The following CNTLN variants were observed in gnomAD, a reference collection of about 807,000 sequenced individuals.
The protein encoded by CNTLN is centlein, centrosomal protein.
In CNTLN, 212 loss-of-function variants were observed where a neutral mutation model predicts 180.0. The observed-to-expected ratio is 1.18, with a 90% CI of 1.05 to 1.32. The LOEUF (loss-of-function observed/expected upper bound fraction) is 1.32, where lower values mean the gene tolerates loss of function less well. CNTLN is among the 40% of genes most tolerant of loss of function. The pLI, the probability that CNTLN is intolerant of heterozygous loss-of-function variation, is 0.00. For missense variants in CNTLN, 2,095 were observed against 1,610.9 expected (o/e 1.30, Z -5.14); for synonymous variants, 722 against 563.1 (o/e 1.28, Z -3.99).
chr9:17,364,810 C>A (rs188147679), intron 12 of CNTLN, among the ~76,000 whole-genome samples: 31 of 152,160 alleles, frequency 2.0e-4, no homozygotes, highest in Admixed American at 4.6e-4. Context: ...GGCCATATGT[C>A]CAGTTTTTGT....
intron 23 of CNTLN, among the ~76,000 whole-genome samples, chr9:17,470,585 A>G (rs2441993): frequency 0.049 from 7,501 of 151,960 alleles, 209 homozygotes; most frequent in Middle Eastern, 0.11. Flanking sequence ...GAAATCAAGT[A>G]CTTTGAGCAT....
At chr9:17,274,694 A>G (rs185196387) in intron 6 of CNTLN, among the ~76,000 whole-genome samples, 1 of 152,286 alleles carries the variant, frequency 6.6e-6, no homozygotes, top group Non-Finnish European at 1.5e-5. Flanking sequence ...TGATAAATAA[A>G]TGATGGATAC....
At chr9:17,306,726 C>G (rs1371679185) in intron 7 of CNTLN, among the ~76,000 whole-genome samples, 4 of 152,114 alleles carry the variant, frequency 2.6e-5, no homozygotes, top group Non-Finnish European at 5.9e-5. Flanking sequence ...CCATGAGATT[C>G]TCAAATATTT....
At chr9:17,483,338 T>C (rs1320166372) in intron 23 of CNTLN, among the ~76,000 whole-genome samples, 1 of 147,538 alleles carries the variant, frequency 6.8e-6, no homozygotes, top group Non-Finnish European at 1.5e-5. Flanking sequence ...AGATACTTTT[T>C]ATACATTCTT....
At chr9:17,144,480 C>T (rs1214790106) in intron 2 of CNTLN, among the ~76,000 whole-genome samples, 1 of 152,038 alleles carries the variant, frequency 6.6e-6, no homozygotes, top group Non-Finnish European at 1.5e-5. Context: ...TTCCGTGATT[C>T]TTTATTCTCC....
chr9:17,230,551 G>A (rs1020757385), intron 3 of CNTLN, among the ~76,000 whole-genome samples: 1 of 151,816 alleles, frequency 6.6e-6, no homozygotes, highest in Admixed American at 6.6e-5. Flanking sequence ...AGGCTAGAAG[G>A]TGCTAGAGTT....
rs890178291 is a variant in CNTLN at position 17,299,013 on chromosome 9, G to C, written c.1146+661G>C. On this transcript the variant is annotated intron_variant, in intron 7 of 25. Transcript: ENST00000380647. ...AATCCCAGCACTTTGGGAGGCTGAG[G>C]CGGGCGAATCACAAGGTCAAGAGAT... 13 of 812,918 alleles carry C rather than the reference G, an allele frequency of 1.6e-5. No homozygotes were observed. In the African/African-American group the frequency reaches 2.2e-4, roughly 14 times the overall value. 50.4% of individuals were successfully genotyped at this position (812,918 alleles called of 1,614,324 possible).
At position 17,200,876 on chromosome 9, in the gene CNTLN, G is replaced by A. The variant is rs116364651; in HGVS notation, c.450-25327G>A. Among the ~76,000 whole-genome samples, 1,031 of 152,290 alleles carry A rather than the reference G, an allele frequency of 6.8e-3. 10 individuals are homozygous for A. The highest frequency in any genetic ancestry group is 0.023 in the African/African-American group (976 of 41,548). The stretch of plus-strand genomic sequence containing the variant: ...AGATCTTCCAATACTATGATAAATT[G>A]GAGTGGTGAGAGAAGGCATCCTTGT... On this transcript the variant is annotated intron_variant, in intron 2 of 25. Transcript: ENST00000380647.
chr9:17,463,707 G>A (rs902244678), intron 20 of CNTLN, among the ~76,000 whole-genome samples: 1 of 151,548 alleles, frequency 6.6e-6, no homozygotes, highest in African/African-American at 2.4e-5. Context: ...ATATTTTGAA[G>A]TTTATTTATC....
intron 6 of CNTLN, among the ~76,000 whole-genome samples, chr9:17,277,311 TGAG>T (rs1828374786): frequency 6.6e-6 from 1 of 152,044 alleles, no homozygotes; most frequent in African/African-American, 2.4e-5. Flanking sequence ...ACAATTGAGA[TGAG>T]AATTTTTGTT....
At chr9:17,336,927 G>A (rs1341151042) in intron 10 of CNTLN, among the ~76,000 whole-genome samples, 4 of 152,040 alleles carry the variant, frequency 2.6e-5, no homozygotes, top group East Asian at 1.9e-4. Context: ...TTACCCTCCC[G>A]CCAACAGTGT....
At chr9:17,526,890 T>A in the CNTLN span, among the ~76,000 whole-genome samples, 1 of 152,038 alleles carries the variant, frequency 6.6e-6, no homozygotes, top group Non-Finnish European at 1.5e-5. Context: ...TCACCCAGGC[T>A]GGATTTTGAG....
chr9:17,158,279 T>C (rs1252330873), intron 2 of CNTLN, among the ~76,000 whole-genome samples: 1 of 152,182 alleles, frequency 6.6e-6, no homozygotes, highest in Non-Finnish European at 1.5e-5. Flanking sequence ...TTTTATATGT[T>C]CCCGAATTTG....
chr9:17,525,200 T>A, the CNTLN span, among the ~76,000 whole-genome samples: 1 of 152,188 alleles, frequency 6.6e-6, no homozygotes, highest in Non-Finnish European at 1.5e-5. Flanking sequence ...CCATCCTGAT[T>A]AATATGCGTG....
chr9:17,188,685 T>C (rs967987363), intron 2 of CNTLN, among the ~76,000 whole-genome samples: 57 of 152,298 alleles, frequency 3.7e-4, no homozygotes, highest in Admixed American at 9.8e-4. Flanking sequence ...AATCTGCTGT[T>C]CATCCCTTCT....
rs535573165 is a variant in CNTLN, at chr9:17,249,722, C to T, written c.849+13134C>T. 1.2e-4 allele frequency among the ~76,000 whole-genome samples: 18 copies of T among 151,728 alleles called. No homozygotes were observed. In the Middle Eastern group the frequency reaches 0.024, roughly 201 times the overall value. ...TCTGCTGTGGATTTCTAGCTTCATT[C>T]CATTTTATTTAGAGAAGATCCTTTG... On this transcript the variant is annotated intron_variant, in intron 5 of 25. Coordinates refer to ENST00000380647, the MANE Select transcript of CNTLN (RefSeq NM_017738.4).
At chr9:17,405,448 C>G (rs1393981058) in intron 15 of CNTLN, among the ~76,000 whole-genome samples, 1 of 151,786 alleles carries the variant, frequency 6.6e-6, no homozygotes, top group Non-Finnish European at 1.5e-5. Flanking sequence ...GCTGTGTCAT[C>G]ATGGCCGAAG....
chr9:17,324,294 A>G (rs1479163208), intron 8 of CNTLN, among the ~76,000 whole-genome samples: 1 of 152,188 alleles, frequency 6.6e-6, no homozygotes, highest in African/African-American at 2.4e-5. Context: ...ACTAACAGAA[A>G]CATTTTAAAT....
chr9:17,216,040 G>A (rs1004276193), intron 2 of CNTLN, among the ~76,000 whole-genome samples: 2 of 152,026 alleles, frequency 1.3e-5, no homozygotes, highest in Admixed American at 6.6e-5. Flanking sequence ...CTCACATTCG[G>A]TGGGCTGCAC....
Sources: gnomAD v4.1 joint callset for allele counts (sites outside exome capture counted in the v4.1 genomes callset) on GRCh38, gnomAD v4.1.1 for gene constraint, MANE v1.5 for transcripts, NCBI Gene and HGNC (gene_info 2026-07-23, HGNC 2026-07-21) for gene names.